KDM5B: variants seen among roughly 807,000 people sequenced by gnomAD.
The protein encoded by KDM5B is lysine-specific demethylase 5B.
A neutral mutation model predicts 193.4 loss-of-function variants in KDM5B; 144 were observed. The observed-to-expected ratio is 0.74, with a 90% confidence interval of 0.65 to 0.86. KDM5B has a LOEUF of 0.86. Among genes scored for constraint, KDM5B ranks in the 40% least tolerant of loss-of-function variants. The probability of loss-of-function intolerance (pLI) is 0.00; values close to 1 mark genes in which losing one functional copy is unlikely to be tolerated. For synonymous variants in KDM5B, 668 were observed against 682.6 expected (o/e 0.98, Z 0.33); for missense variants, 1,833 against 1,886.9 (o/e 0.97, Z 0.53).
intron 1 of KDM5B, among the ~76,000 whole-genome samples, chr1:202,784,844 G>T (rs1385965671): frequency 6.6e-6 from 1 of 152,100 alleles, no homozygotes; most frequent in Non-Finnish European, 1.5e-5. Flanking sequence ...GACCAGCCAG[G>T]CCAATGTGGC....
In KDM5B at chr1:202,733,525, C is replaced by G; in HGVS notation, c.3785G>C (p.Trp1262Ser). The change falls in exon 23 of 27, where the codon TGG (tryptophan) becomes TCG (serine). Residue 1262 changes from tryptophan to serine, a missense_variant. By Grantham distance (177) the Trp-to-Ser change is radical. Around this residue, in one of 3 missense-constraint regions of KDM5B, gnomAD observed 1,379 missense variants for 1,349.6 expected, o/e 1.02. Coordinates refer to ENST00000367265, the MANE Select transcript of KDM5B (RefSeq NM_006618.5). ...LRYMIERTVN[W>S]QHRAQQLLSS... Reference sequence around the variant, plus strand: ...AAGCAGTTGCTGGGCTCTGTGCTGCCAGTTCACGGTTCTTTCAATCATATA... The same window carrying G: ...AAGCAGTTGCTGGGCTCTGTGCTGCGAGTTCACGGTTCTTTCAATCATATA... The G allele has an allele frequency of 6.2e-7, 1 of 1,614,168 alleles. No homozygotes were observed. The highest frequency in any genetic ancestry group is 8.5e-7 in the Non-Finnish European group (1 of 1,180,022).
chr1:202,771,924 A>G (rs1656737064), intron 4 of KDM5B, among the ~76,000 whole-genome samples: 1 of 152,112 alleles, frequency 6.6e-6, no homozygotes, highest in Non-Finnish European at 1.5e-5. Context: ...CTCACTAAAC[A>G]TTCATATAAT....
In KDM5B at chr1:202,808,159, G is replaced by T; in HGVS notation, c.147C>A (p.Ile49=). 6.2e-7 allele frequency: 1 copy of T among 1,613,210 alleles called. No individual in the cohort carries two copies. Among genetic ancestry groups the T allele is most frequent in the African/African-American group, 1.3e-5 (1 of 75,010 alleles). The change falls in exon 1 of 27, where the codon ATC becomes ATA. Residue 49 remains isoleucine (I), a synonymous_variant. Coordinates refer to ENST00000367265, the MANE Select transcript of KDM5B (RefSeq NM_006618.5). ...GCTCGGCTATGGGCCGGATCTTGTG[G>T]ATGAAAGCGAAGGGGTCCGCGAACT... ...WEEFADPFAF[I]HKIRPIAEQT...
intron 11 of KDM5B, among the ~76,000 whole-genome samples, chr1:202,755,070 A>T (rs1253128165): frequency 6.6e-6 from 1 of 152,214 alleles, no homozygotes; most frequent in Non-Finnish European, 1.5e-5. Context: ...GTGCAATTTC[A>T]GGGAATTCAT....
intron 1 of KDM5B, among the ~76,000 whole-genome samples, chr1:202,786,769 G>T (rs565151853): frequency 6.6e-6 from 1 of 152,202 alleles, no homozygotes; most frequent in African/African-American, 2.4e-5. Context: ...CATATTGGCC[G>T]GGCGTGGTGG....
chr1:202,779,248 C>T (rs1181275224), intron 1 of KDM5B, among the ~76,000 whole-genome samples: 2 of 152,016 alleles, frequency 1.3e-5, no homozygotes, highest in Non-Finnish European at 2.9e-5. Context: ...CGGCCAGGCG[C>T]GGTGACTCAC....
chr1:202,783,713 T>A (rs1175590121), intron 1 of KDM5B, among the ~76,000 whole-genome samples: 3 of 148,910 alleles, frequency 2.0e-5, no homozygotes, highest in African/African-American at 4.9e-5. Context: ...CCATCTCTAC[T>A]AAAAAAAAAT....
rs760853120 is a variant in KDM5B at position 202,733,498 on chromosome 1, G to A, written c.3812C>T (p.Ser1271Leu). The A allele has an allele frequency of 5.6e-6, 9 of 1,614,178 alleles. No individual in the cohort carries two copies. The highest frequency in any genetic ancestry group is 5.5e-5 in the South Asian group (5 of 91,082). Residue 1271 changes from serine (S) to leucine (L), a missense_variant, in exon 23 of 27, where the codon TCG (serine) becomes TTG (leucine). Ser to Leu is a moderately radical substitution (Grantham distance 145, BLOSUM62 -2). This residue lies in a region of KDM5B where 1,379 missense variants were observed against 1,349.6 expected (regional missense o/e 1.02). Coordinates refer to ENST00000367265, the MANE Select transcript of KDM5B (RefSeq NM_006618.5). ...NWQHRAQQLL[S>L]SGNLKFVQDR... ...TTGCACAAATTTAAGATTCCCTGAC[G>A]AAAGCAGTTGCTGGGCTCTGTGCTG...
intron 7 of KDM5B, among the ~76,000 whole-genome samples, chr1:202,760,900 T>A (rs1296588618): frequency 6.6e-6 from 1 of 152,096 alleles, no homozygotes; most frequent in African/African-American, 2.4e-5. Context: ...TGGTGGCACG[T>A]GTCTGTAGTT....
Position 202,728,970 on chromosome 1 carries a change from T to G in KDM5B, c.*66A>C, listed in dbSNP as rs1231974063. The G allele has an allele frequency of 6.3e-7, 1 of 1,599,812 alleles. No homozygotes were observed. The highest frequency in any genetic ancestry group is 8.6e-7 in the Non-Finnish European group (1 of 1,168,440). ...ACCAGTCCTGTAGCTTTGCTGAGATTTGAAGAAATCCTCTTGGTTGGAGTC... is the reference window on the plus strand; with the variant it reads ...ACCAGTCCTGTAGCTTTGCTGAGATGTGAAGAAATCCTCTTGGTTGGAGTC... On this transcript the variant is annotated 3_prime_UTR_variant, in exon 27 of 27. Coordinates refer to ENST00000367265, the MANE Select transcript of KDM5B (RefSeq NM_006618.5).
At chr1:202,760,306 T>C in intron 8 of KDM5B, 109 bp downstream of exon 8, 1 of 766,208 alleles carries the variant, frequency 1.3e-6, no homozygotes, top group South Asian at 2.1e-5. Context: ...ACAAAGTGAG[T>C]CCTTGTCTAA....
chr1:202,762,262 CCTTT>C (rs1204531384), intron 7 of KDM5B, among the ~76,000 whole-genome samples: 7 of 152,068 alleles, frequency 4.6e-5, no homozygotes, highest in Admixed American at 1.3e-4. Context: ...CTTCCTTCTT[CCTTT>C]CTCTTTTTTG....
In KDM5B at chr1:202,741,462, C is replaced by T. The variant is rs141076441; in HGVS notation, c.2850G>A (p.Pro950=). The T allele has an allele frequency of 4.6e-5, 75 of 1,613,376 alleles. No homozygotes were observed. The highest frequency in any genetic ancestry group is 3.3e-4 in the South Asian group (30 of 91,038). Residue 950 remains proline, a synonymous_variant, in exon 19 of 27, where the codon CCG becomes CCA. Transcript: ENST00000367265. ...RLIDLGVGLA[P]YSAVEKAMAR... is the part of the protein sequence containing the mutation. Reference sequence around the variant, plus strand: ...CCATAGCTTTCTCCACTGCTGAATACGGGGCCAGCCCTACCCCTAGGTCTA... The same window carrying T: ...CCATAGCTTTCTCCACTGCTGAATATGGGGCCAGCCCTACCCCTAGGTCTA...
intron 3 of KDM5B, 136 bp from the exon 4 acceptor site, chr1:202,773,424 C>T: frequency 1.6e-6 from 1 of 641,964 alleles, no homozygotes; most frequent in Non-Finnish European, 2.7e-6. Flanking sequence ...TATATATACA[C>T]ACACACACAT....
intron 6 of KDM5B, among the ~76,000 whole-genome samples, chr1:202,763,055 T>C (rs1024051366): frequency 1.3e-5 from 2 of 152,262 alleles, no homozygotes; most frequent in Admixed American, 6.5e-5. Flanking sequence ...CAGGTTTGTA[T>C]GCTTTCAAAA....
chr1:202,741,502 T>A lies in KDM5B; in HGVS notation c.2810A>T (p.Asp937Val). 1 of 1,614,228 alleles carries A rather than the reference T, an allele frequency of 6.2e-7. No homozygotes were observed. Among genetic ancestry groups the A allele is most frequent in the Non-Finnish European group, 8.5e-7 (1 of 1,180,036 alleles). Residue 937 changes from aspartate to valine, a missense_variant, in exon 19 of 27, where the codon GAT (aspartate) becomes GTT (valine). Transcript: ENST00000367265. ...CLDPSSLTLD[D>V]MRRLIDLGVG... is the part of the protein sequence containing the mutation. ...CCCTAGGTCTATGAGACGTCTCATA[T>A]CATCTAAAGTAAGGGAGCTGGGGTC...
chr1:202,740,249 C>T (rs1266576182), intron 20 of KDM5B, among the ~76,000 whole-genome samples: 1 of 149,544 alleles, frequency 6.7e-6, no homozygotes, highest in Non-Finnish European at 1.5e-5. Flanking sequence ...TCCCGCCTCC[C>T]TCCCGGACGG....
At chr1:202,738,119 CCT>C (rs1655165193) in intron 20 of KDM5B, among the ~76,000 whole-genome samples, 1 of 152,026 alleles carries the variant, frequency 6.6e-6, no homozygotes, top group South Asian at 2.1e-4. Flanking sequence ...GTGTAGCAGT[CCT>C]TAAATATATG....
chr1:202,732,149 T>C, intron 23 of KDM5B: 1 of 510,022 alleles, frequency 2.0e-6, no homozygotes, highest in Non-Finnish European at 3.4e-6. Flanking sequence ...CTTTAATCTT[T>C]CCAGTTTTAC....
Sources: gnomAD v4.1 joint callset for allele counts (sites outside exome capture counted in the v4.1 genomes callset) on GRCh38, gnomAD v4.1.1 for gene constraint, gnomAD v4.1.1 regional missense constraint, MANE v1.5 for transcripts, NCBI Gene and HGNC (gene_info 2026-07-23, HGNC 2026-07-21) for gene names.